The following DLGAP2 variants were observed in gnomAD, a reference collection of about 807,000 sequenced individuals.
The protein encoded by DLGAP2 is disks large-associated protein 2.
Under a neutral mutation model 100.3 loss-of-function variants are expected in DLGAP2, and 26 were observed. That is an observed-to-expected ratio of 0.26 (90% CI 0.19 to 0.36). The LOEUF is 0.36. Among genes scored for constraint, DLGAP2 ranks in the 10% least tolerant of loss-of-function variants. The pLI, the probability that DLGAP2 is intolerant of heterozygous loss-of-function variation, is 1.00. For missense variants in DLGAP2, 1,858 were observed against 1,453.2 expected (o/e 1.28, Z -4.53); for synonymous variants, 886 against 630.1 (o/e 1.41, Z -6.08).
intron 4 of DLGAP2, among the ~76,000 whole-genome samples, chr8:1,514,979 G>A (rs904688114): frequency 6.6e-6 from 1 of 151,284 alleles, no homozygotes; most frequent in African/African-American, 2.4e-5. Flanking sequence ...GGACACCAAC[G>A]TGTAGAGAGA....
chr8:1,582,967 C>T (rs534390372), intron 6 of DLGAP2, among the ~76,000 whole-genome samples: 2 of 152,096 alleles, frequency 1.3e-5, no homozygotes, highest in Admixed American at 6.6e-5. Flanking sequence ...GCTGCATGAC[C>T]GTGCATTTGC....
At chr8:890,605 C>T (rs1006669829) in intron 1 of DLGAP2, among the ~76,000 whole-genome samples, 1 of 151,992 alleles carries the variant, frequency 6.6e-6, no homozygotes, top group Non-Finnish European at 1.5e-5. Flanking sequence ...TTCCTCCTTG[C>T]GCTTTCTTGA....
chr8:760,195 C>G (rs1010168781), intron 1 of DLGAP2, among the ~76,000 whole-genome samples: 1 of 152,098 alleles, frequency 6.6e-6, no homozygotes, highest in Non-Finnish European at 1.5e-5. Flanking sequence ...GAAAGGCATT[C>G]CAGAGGCCCA....
chr8:1,548,975 C>G lies in DLGAP2; in HGVS notation c.522C>G (p.Asp174Glu). ...ACAGCTCGCACTACGACACGCGCGA[C>G]GACTGCGCTGTGGCCCACGCGGGCG... ...MHYSSHYDTRDDCAVAHAGAK... is the reference protein window; with the variant it reads ...MHYSSHYDTREDCAVAHAGAK... Residue 174 changes from aspartate (D) to glutamate (E), a missense_variant, in exon 5 of 15, where the codon GAC becomes GAG. Transcript: ENST00000637795. 1.9e-6 allele frequency: 3 copies of G among 1,599,154 alleles called. No individual in the cohort carries two copies. Among genetic ancestry groups the G allele is most frequent in the Non-Finnish European group, 2.5e-6 (3 of 1,179,422 alleles).
At chr8:787,708 C>T (rs1317556836) in intron 1 of DLGAP2, among the ~76,000 whole-genome samples, 1 of 152,208 alleles carries the variant, frequency 6.6e-6, no homozygotes, top group African/African-American at 2.4e-5. Flanking sequence ...CATCCCAGAT[C>T]ACCCTGGGGG....
At chr8:1,296,642 C>T (rs995784169) in intron 3 of DLGAP2, among the ~76,000 whole-genome samples, 2 of 152,280 alleles carry the variant, frequency 1.3e-5, no homozygotes, top group East Asian at 1.9e-4. Flanking sequence ...TCTTACTGGA[C>T]GTGGAATTTT....
At chr8:1,254,974 T>C (rs59303675) in intron 2 of DLGAP2, among the ~76,000 whole-genome samples, 8,283 of 30,408 alleles carry the variant, frequency 0.27, 1,146 homozygotes, top group African/African-American at 0.47. Context: ...TCTCATCCTG[T>C]CCGGGTGCTG....
At chr8:1,208,053 A>C (rs984734506) in intron 2 of DLGAP2, among the ~76,000 whole-genome samples, 1 of 152,160 alleles carries the variant, frequency 6.6e-6, no homozygotes, top group Non-Finnish European at 1.5e-5. Flanking sequence ...TTTGCTGTGC[A>C]GAAGCTTTTT....
chr8:790,440 C>G (rs1305770173), intron 1 of DLGAP2, among the ~76,000 whole-genome samples: 3 of 152,174 alleles, frequency 2.0e-5, no homozygotes, highest in African/African-American at 7.2e-5. Context: ...ATTTCTCATA[C>G]TTTGCTGTGG....
At chr8:1,290,923 T>C (rs1040650806) in intron 3 of DLGAP2, among the ~76,000 whole-genome samples, 7 of 152,180 alleles carry the variant, frequency 4.6e-5, no homozygotes, top group African/African-American at 1.7e-4. Context: ...CGTTCACTGG[T>C]GTTAAGGACA....
At chr8:1,554,583 G>A (rs74576137) in intron 5 of DLGAP2, among the ~76,000 whole-genome samples, 3 of 152,054 alleles carry the variant, frequency 2.0e-5, no homozygotes, top group East Asian at 1.9e-4. Flanking sequence ...TCCTGAGCCC[G>A]GGTCCTGTCT....
chr8:863,394 C>T (rs776751432), intron 1 of DLGAP2, among the ~76,000 whole-genome samples: 15 of 152,326 alleles, frequency 9.8e-5, no homozygotes, highest in Admixed American at 2.0e-4. Context: ...TGTCCTTAGA[C>T]TCACTGTGAA....
chr8:1,666,347 G>T (rs530185961), intron 8 of DLGAP2, among the ~76,000 whole-genome samples: 2 of 152,312 alleles, frequency 1.3e-5, no homozygotes, highest in South Asian at 2.1e-4. Context: ...CTAGGCTTCA[G>T]ATTCTCTTTC....
chr8:962,998 A>T (rs1290895549), intron 2 of DLGAP2, among the ~76,000 whole-genome samples: 1 of 152,194 alleles, frequency 6.6e-6, no homozygotes, highest in Non-Finnish European at 1.5e-5. Flanking sequence ...AAAGTGTGGG[A>T]ATGGGCAGCC....
chr8:1,327,699 CCGGGCGTCGTGG>C (rs1801053592), intron 3 of DLGAP2, among the ~76,000 whole-genome samples: 1 of 151,998 alleles, frequency 6.6e-6, no homozygotes, highest in Non-Finnish European at 1.5e-5. Context: ...AAAAAACTAT[CCGGGCGTCGTGG>C]CGGGCGCCTG....
At chr8:1,053,157 T>C (rs1269616356) in intron 2 of DLGAP2, among the ~76,000 whole-genome samples, 1 of 152,184 alleles carries the variant, frequency 6.6e-6, no homozygotes, top group Admixed American at 6.5e-5. Context: ...AATTTTGGGT[T>C]ATTTAAAAGA....
chr8:894,076 C>T (rs991364681), intron 1 of DLGAP2, among the ~76,000 whole-genome samples: 7 of 152,292 alleles, frequency 4.6e-5, no homozygotes, highest in Middle Eastern at 6.8e-3. Context: ...GTGCGTGAGA[C>T]GTCCTTGTGG....
chr8:1,350,651 TGC>T (rs1801696153), intron 3 of DLGAP2, among the ~76,000 whole-genome samples: 2 of 88,364 alleles, frequency 2.3e-5, no homozygotes, highest in Non-Finnish European at 4.5e-5. Flanking sequence ...GTCCTGACTG[TGC>T]GTGGAAAGGC....
chr8:905,648 ACCT>A (rs1280988413), intron 1 of DLGAP2, among the ~76,000 whole-genome samples: 3 of 151,812 alleles, frequency 2.0e-5, no homozygotes, highest in African/African-American at 4.8e-5. Flanking sequence ...TCCCGTGAGC[ACCT>A]CCAGTGCTCT....
Sources: gnomAD v4.1 joint callset for allele counts (sites outside exome capture counted in the v4.1 genomes callset) on GRCh38, gnomAD v4.1.1 for gene constraint, MANE v1.5 for transcripts, NCBI Gene and HGNC (gene_info 2026-07-23, HGNC 2026-07-21) for gene names.